ZNF148: variants seen among roughly 807,000 people sequenced by gnomAD.
The protein encoded by ZNF148 is Beta-Enolase Repressor Factor-1.
ZNF148 carries 7 observed loss-of-function variants against 67.7 expected under a neutral mutation model. The ratio of observed to expected loss-of-function variants is 0.10; its 90% CI spans 0.06 to 0.19. ZNF148 has a LOEUF of 0.19. ZNF148 is among the 10% of genes least tolerant of loss of function. The pLI is 1.00. For synonymous variants in ZNF148, 333 were observed against 330.7 expected (o/e 1.01, Z -0.08); for missense variants, 583 against 947.1 (o/e 0.62, Z 5.05).
At chr3:125,310,509 T>C (rs1940146471) in intron 4 of ZNF148, among the ~76,000 whole-genome samples, 1 of 151,958 alleles carries the variant, frequency 6.6e-6, no homozygotes, top group Admixed American at 6.6e-5. Flanking sequence ...ATGCATATAT[T>C]AGAAACAAAA....
chr3:125,339,204 G>A (rs576608883), intron 1 of ZNF148, among the ~76,000 whole-genome samples: 14 of 152,164 alleles, frequency 9.2e-5, no homozygotes, highest in East Asian at 1.9e-4. Flanking sequence ...ATTAATGTAC[G>A]GTGAACATGT....
intron 5 of ZNF148, among the ~76,000 whole-genome samples, chr3:125,279,508 T>C (rs116666397): frequency 0.011 from 1,723 of 152,268 alleles, 24 homozygotes; most frequent in African/African-American, 0.04. Flanking sequence ...TTCTCCTCTG[T>C]AATGCTTATG....
At chr3:125,273,707 C>T (rs1263077870) in intron 7 of ZNF148, among the ~76,000 whole-genome samples, 1 of 151,986 alleles carries the variant, frequency 6.6e-6, no homozygotes, top group African/African-American at 2.4e-5. Flanking sequence ...TTCTCAAACT[C>T]CTGACCTCGT....
At position 125,350,377 on chromosome 3, in the gene ZNF148, C is replaced by T. The variant is rs912144001; in HGVS notation, c.-233-19139G>A. Among the ~76,000 whole-genome samples, 8 of 152,222 alleles carry T rather than the reference C, an allele frequency of 5.3e-5. No individual in the cohort carries two copies. The East Asian group carries it at 5.8e-4, about 11-fold the overall frequency. On this transcript the variant is annotated intron_variant, in intron 1 of 8. Transcript: ENST00000360647. ...ACAGGGTTTCACCATGTTGGCCAGGCGGGTCTCAAACTCCTGACCTCAAAT... is the reference window on the plus strand; with the variant it reads ...ACAGGGTTTCACCATGTTGGCCAGGTGGGTCTCAAACTCCTGACCTCAAAT...
At chr3:125,257,364 C>G (rs1004815485) in intron 7 of ZNF148, among the ~76,000 whole-genome samples, 4 of 151,844 alleles carry the variant, frequency 2.6e-5, no homozygotes, top group African/African-American at 9.7e-5. Flanking sequence ...ACAGCCTGGC[C>G]TGAACATGGC....
intron 1 of ZNF148, chr3:125,344,569 C>T: frequency 2.1e-6 from 2 of 938,112 alleles, no homozygotes; most frequent in South Asian, 1.3e-5. Flanking sequence ...ACCTCCTCCT[C>T]CACCATTTAA....
chr3:125,355,994 CAA>C (rs1942329275), intron 1 of ZNF148, among the ~76,000 whole-genome samples: 1 of 152,104 alleles, frequency 6.6e-6, no homozygotes, highest in Non-Finnish European at 1.5e-5. Context: ...TAAAAGTGCT[CAA>C]GTTACTTACT....
chr3:125,300,263 T>A (rs1358466279), intron 4 of ZNF148, among the ~76,000 whole-genome samples: 2 of 152,172 alleles, frequency 1.3e-5, no homozygotes, highest in African/African-American at 4.8e-5. Context: ...AGAGCCACCA[T>A]GCCTGGCCTG....
chr3:125,372,406 C>G (rs1942919266), intron 1 of ZNF148, among the ~76,000 whole-genome samples: 1 of 152,104 alleles, frequency 6.6e-6, no homozygotes, highest in Non-Finnish European at 1.5e-5. Context: ...AATAAAATAA[C>G]TAAAATAAAT....
chr3:125,278,524 A>C (rs572933208), intron 6 of ZNF148, among the ~76,000 whole-genome samples: 1 of 152,050 alleles, frequency 6.6e-6, no homozygotes, highest in African/African-American at 2.4e-5. Context: ...ATTTATTCCA[A>C]AGATTTTTTC....
intron 4 of ZNF148, 133 bp from the exon 5 acceptor site, chr3:125,288,361 C>T (rs1222294012): frequency 3.4e-6 from 3 of 892,562 alleles, no homozygotes; most frequent in African/African-American, 1.7e-5. Flanking sequence ...TGTGTGTGTC[C>T]TAACTATATA....
At chr3:125,341,674 A>G (rs1180459921) in intron 1 of ZNF148, among the ~76,000 whole-genome samples, 1 of 152,202 alleles carries the variant, frequency 6.6e-6, no homozygotes, top group East Asian at 1.9e-4. Context: ...AAAAAGTACA[A>G]TAAATTTTTA....
intron 1 of ZNF148, among the ~76,000 whole-genome samples, chr3:125,363,499 G>A (rs1942606261): frequency 6.6e-6 from 1 of 152,120 alleles, no homozygotes; most frequent in African/African-American, 2.4e-5. Flanking sequence ...CAGATTAAAA[G>A]CCCTAGAGCT....
intron 1 of ZNF148, among the ~76,000 whole-genome samples, chr3:125,340,569 C>T (rs1282281289): frequency 6.6e-6 from 1 of 152,180 alleles, no homozygotes; most frequent in Non-Finnish European, 1.5e-5. Context: ...GTGGGAGCTC[C>T]AGTAGGATCA....
chr3:125,358,078 G>C (rs1942421433), intron 1 of ZNF148, among the ~76,000 whole-genome samples: 1 of 152,204 alleles, frequency 6.6e-6, no homozygotes, highest in African/African-American at 2.4e-5. Context: ...TTGGGAGGCT[G>C]AGGCGAGCGG....
chr3:125,324,669 A>G (rs531732085), intron 2 of ZNF148, among the ~76,000 whole-genome samples: 1 of 152,342 alleles, frequency 6.6e-6, no homozygotes, highest in South Asian at 2.1e-4. Flanking sequence ...TGATACATGA[A>G]AGATCCTATG....
At chr3:125,315,975 T>C (rs923969532) in intron 3 of ZNF148, among the ~76,000 whole-genome samples, 4 of 152,192 alleles carry the variant, frequency 2.6e-5, no homozygotes, top group African/African-American at 9.7e-5. Flanking sequence ...TATTTTTTTG[T>C]GTGTGCCCAT....
At chr3:125,296,964 CA>C (rs1030849252) in intron 4 of ZNF148, among the ~76,000 whole-genome samples, 2 of 150,772 alleles carry the variant, frequency 1.3e-5, no homozygotes, top group East Asian at 3.9e-4. Flanking sequence ...GAAAAAAAAA[CA>C]AAAAAAGAAA....
At chr3:125,330,566 A>C in intron 2 of ZNF148, among the ~76,000 whole-genome samples, 1 of 150,816 alleles carries the variant, frequency 6.6e-6, no homozygotes, top group Non-Finnish European at 1.5e-5. Context: ...AGTGGCTCAC[A>C]CCTGTAATCC....
Sources: allele counts gnomAD v4.1 joint callset (sites outside exome capture counted in the v4.1 genomes callset), GRCh38; gene constraint gnomAD v4.1.1; transcripts MANE v1.5; gene names NCBI Gene and HGNC (gene_info 2026-07-23, HGNC 2026-07-21).